Variants in LDLRAD4 observed in about 807,000 individuals in gnomAD.
The protein encoded by LDLRAD4 is low density lipoprotein receptor class A domain containing 4.
In LDLRAD4, 5 loss-of-function variants were observed where a neutral mutation model predicts 17.0. That is an observed-to-expected ratio of 0.29 (90% CI 0.15 to 0.62). The LOEUF (loss-of-function observed/expected upper bound fraction) is 0.62. Ranked by LOEUF, LDLRAD4 falls within the 20% of genes least tolerant of loss-of-function variation. LDLRAD4 has a pLI of 0.84. For missense variants in LDLRAD4, 340 were observed against 424.7 expected (o/e 0.80, Z 1.75); for synonymous variants, 168 against 171.8 (o/e 0.98, Z 0.17).
chr18:13,576,271 A>T (rs2094768704), intron 3 of LDLRAD4, among the ~76,000 whole-genome samples: 1 of 151,982 alleles, frequency 6.6e-6, no homozygotes, highest in South Asian at 2.1e-4. Flanking sequence ...AAATACAAAA[A>T]ATTAGCTGGG....
intron 2 of LDLRAD4, chr18:13,426,221 C>T (rs1364992693): frequency 6.6e-6 from 1 of 152,182 alleles, no homozygotes; most frequent in Non-Finnish European, 1.5e-5. Context: ...GTTTGTTGAC[C>T]ACGTTATTTT....
In LDLRAD4 at chr18:13,434,864, A is replaced by G. The variant is rs146681643; in HGVS notation, c.41-3380A>G. On this transcript the variant is annotated intron_variant, in intron 2 of 5. Coordinates refer to ENST00000359446, the Ensembl canonical transcript of LDLRAD4. ...AGAGGAGGCTTGCTGTATGTGAGCTACCTCTTTCTCAGTAGACAGTGGTTC... is the reference window on the plus strand; with the variant it reads ...AGAGGAGGCTTGCTGTATGTGAGCTGCCTCTTTCTCAGTAGACAGTGGTTC... Among the ~76,000 whole-genome samples, 41 of 152,354 alleles carry G rather than the reference A, an allele frequency of 2.7e-4. 1 individual carries two copies. The East Asian group carries it at 7.3e-3, about 27-fold the overall frequency.
At chr18:13,483,047 T>A (rs1271006644) in intron 3 of LDLRAD4, among the ~76,000 whole-genome samples, 2 of 152,074 alleles carry the variant, frequency 1.3e-5, no homozygotes, top group Non-Finnish European at 2.9e-5. Flanking sequence ...GGAAGCAAGG[T>A]GGAGAGAGGC....
intron 4 of LDLRAD4, among the ~76,000 whole-genome samples, chr18:13,640,292 C>CAAAAAAAAAA (rs55794457): frequency 3.0e-5 from 3 of 98,408 alleles, no homozygotes; most frequent in African/African-American, 4.2e-5. Flanking sequence ...GATTCCATCT[C>CAAAAAAAAAA]AAAAAAAAAA....
At chr18:13,375,310 T>C (rs780472987) in intron 1 of LDLRAD4, among the ~76,000 whole-genome samples, 11 of 152,180 alleles carry the variant, frequency 7.2e-5, no homozygotes, top group Non-Finnish European at 1.0e-4. Flanking sequence ...CAGGAAGCCA[T>C]TTTTAGGTGT....
chr18:13,540,312 A>G (rs371063524), intron 3 of LDLRAD4, among the ~76,000 whole-genome samples: 4 of 152,260 alleles, frequency 2.6e-5, no homozygotes, highest in African/African-American at 9.6e-5. Context: ...TTAAATGGCC[A>G]TTGAATAAAC....
In LDLRAD4 at chr18:13,602,464, C is replaced by T. The variant is rs1487415559; in HGVS notation, c.182-18653C>T. Among the ~76,000 whole-genome samples the T allele has an allele frequency of 2.7e-5, 4 of 149,948 alleles. No individual in the cohort carries two copies. The South Asian group carries it at 8.6e-4, about 32-fold the overall frequency. On this transcript the variant is annotated intron_variant, in intron 3 of 5. Coordinates refer to ENST00000359446, the Ensembl canonical transcript of LDLRAD4. ...GGTGGTGGGATGGGGGGAATTTTATCAGACATCATTCTTAAACCATGGCAT... is the reference window on the plus strand; with the variant it reads ...GGTGGTGGGATGGGGGGAATTTTATTAGACATCATTCTTAAACCATGGCAT...
intron 4 of LDLRAD4, among the ~76,000 whole-genome samples, chr18:13,629,048 C>G: frequency 6.6e-6 from 1 of 152,182 alleles, no homozygotes; most frequent in Middle Eastern, 3.2e-3. Flanking sequence ...CCAGGCTGGT[C>G]TTGAACTCCT....
At chr18:13,312,501 G>C (rs1190886644) in intron 1 of LDLRAD4, among the ~76,000 whole-genome samples, 3 of 152,164 alleles carry the variant, frequency 2.0e-5, no homozygotes, top group Non-Finnish European at 4.4e-5. Flanking sequence ...CAAAACTTCA[G>C]GATGCTAAGG....
intron 1 of LDLRAD4, among the ~76,000 whole-genome samples, chr18:13,338,145 G>C (rs1048016010): frequency 1.3e-5 from 2 of 152,104 alleles, no homozygotes. Flanking sequence ...AGGTAGACAC[G>C]CTCTCTATTC....
chr18:13,308,184 G>A (rs759027842), intron 1 of LDLRAD4, among the ~76,000 whole-genome samples: 3 of 152,036 alleles, frequency 2.0e-5, no homozygotes, highest in Non-Finnish European at 2.9e-5. Flanking sequence ...TTCCACGTCC[G>A]CACACAGAAA....
At chr18:13,269,681 T>A (rs1249998308) in intron 1 of LDLRAD4, among the ~76,000 whole-genome samples, 1 of 152,180 alleles carries the variant, frequency 6.6e-6, no homozygotes, top group African/African-American at 2.4e-5. Context: ...GTGCTCACAC[T>A]TGGAGTCAGT....
chr18:13,505,062 A>G (rs2093669524), intron 3 of LDLRAD4, among the ~76,000 whole-genome samples: 1 of 152,218 alleles, frequency 6.6e-6, no homozygotes, highest in Non-Finnish European at 1.5e-5. Context: ...ACGATGTGCC[A>G]GCATTGTCCC....
chr18:13,621,270 A>C lies in LDLRAD4; in HGVS notation c.335A>C (p.Gln112Pro), dbSNP rs2040600375. Residue 112 changes from glutamine to proline, a missense_variant and splice_region_variant, in exon 4 of 6, where the codon CAG (glutamine) becomes CCG (proline). Physicochemically the swap from Gln to Pro is moderately conservative, Grantham distance 76. Transcript: ENST00000359446. The surrounding 1 kb of genome is among the most constrained non-coding windows in gnomAD (Gnocchi z 5.5). Reference sequence around the variant, plus strand: ...CGGAGGCGGGAGGACGGGCTGCCGCAGGTGAGTACCCTGGCCGCCCCGGCT... The same window carrying C: ...CGGAGGCGGGAGGACGGGCTGCCGCCGGTGAGTACCCTGGCCGCCCCGGCT... 1.2e-6 allele frequency: 2 copies of C among 1,611,054 alleles called. No individual in the cohort carries two copies. The highest frequency in any genetic ancestry group is 1.7e-5 in the Admixed American group (1 of 60,008).
At chr18:13,542,082 AGG>A (rs2147955070) in intron 3 of LDLRAD4, among the ~76,000 whole-genome samples, 1 of 152,320 alleles carries the variant, frequency 6.6e-6, no homozygotes, top group South Asian at 2.1e-4. Context: ...ATTCTAAAAA[AGG>A]AAAAAGGTCA....
At chr18:13,640,247 C>G (rs2042421224) in intron 4 of LDLRAD4, among the ~76,000 whole-genome samples, 1 of 150,378 alleles carries the variant, frequency 6.6e-6, no homozygotes, top group Non-Finnish European at 1.5e-5. Context: ...GAGCCGAGAT[C>G]CCGCCCCTGC....
intron 2 of LDLRAD4, among the ~76,000 whole-genome samples, chr18:13,399,749 C>G (rs900825435): frequency 1.3e-5 from 2 of 152,216 alleles, no homozygotes; most frequent in African/African-American, 4.8e-5. Context: ...TGTAAACTCA[C>G]GTGAACATAT....
At chr18:13,589,259 G>A (rs1287984915) in intron 3 of LDLRAD4, among the ~76,000 whole-genome samples, 1 of 152,112 alleles carries the variant, frequency 6.6e-6, no homozygotes, top group Non-Finnish European at 1.5e-5. Flanking sequence ...TCTGTGGTTG[G>A]TTTCTGTCCC....
chr18:13,579,281 AG>A (rs1259993961), intron 3 of LDLRAD4, among the ~76,000 whole-genome samples: 4 of 152,262 alleles, frequency 2.6e-5, no homozygotes, highest in Admixed American at 6.5e-5. Flanking sequence ...TATCTACAAA[AG>A]AAGTGATTAT....
Sources: gnomAD v4.1 joint callset for allele counts (sites outside exome capture counted in the v4.1 genomes callset) on GRCh38, gnomAD v4.1.1 for gene constraint, Gnocchi (gnomAD v3.1) non-coding constraint, MANE v1.5 for transcripts, NCBI Gene and HGNC (gene_info 2026-07-23, HGNC 2026-07-21) for gene names.